Variants in SRGAP2C observed in about 807,000 individuals in gnomAD.
SRGAP2C encodes SLIT-ROBO Rho GTPase-activating protein 2C.
In SRGAP2C, 15 loss-of-function variants were observed where a neutral mutation model predicts 25.1. That is an observed-to-expected ratio of 0.60 (90% confidence interval 0.40 to 0.92). SRGAP2C has a LOEUF of 0.92. Ranked by LOEUF, SRGAP2C falls within the 40% of genes least tolerant of loss-of-function variation. The pLI is 0.00. For synonymous variants in SRGAP2C, 44 were observed against 96.6 expected, an observed-to-expected ratio of 0.46 and a Z score of 3.19; for missense variants, 144 against 264.4, an observed-to-expected ratio of 0.54 and a Z score of 3.16.
At chr1:121,368,387 A>G (rs1373286019) in intron 5 of SRGAP2C, among the ~76,000 whole-genome samples, 1 of 139,108 alleles carries the variant, frequency 7.2e-6, no homozygotes, top group African/African-American at 2.7e-5. Context: ...CCTGGGGGAC[A>G]GAGCAAGACT....
rs1402913945 is a variant in SRGAP2C, at chr1:121,313,798, G to A, written c.261-10680G>A. 2.3e-5 allele frequency among the ~76,000 whole-genome samples: 3 copies of A among 130,550 alleles called. No homozygotes were observed. The South Asian group carries it at 7.7e-4, about 33-fold the overall frequency. 85.6% of individuals were successfully genotyped at this position (130,550 alleles called of 152,430 possible). The stretch of plus-strand genomic sequence containing the variant: ...TAGGGTTTCTGCCGAGAGATCCACT[G>A]TTAGTCTGATGGGCTTCCCTTTGAG... On this transcript the variant is annotated intron_variant, in intron 3 of 9. Coordinates refer to ENST00000367123, the MANE Select transcript of SRGAP2C (RefSeq NM_001329984.2).
chr1:121,346,807 G>A (rs1304361209), intron 4 of SRGAP2C, among the ~76,000 whole-genome samples: 5 of 151,334 alleles, frequency 3.3e-5, no homozygotes, highest in Non-Finnish European at 7.4e-5. Context: ...CATGTCCCAG[G>A]CGGGAGGTCA....
At chr1:121,300,216 C>A (rs1553338702) in intron 3 of SRGAP2C, among the ~76,000 whole-genome samples, 9,350 of 49,078 alleles carry the variant, frequency 0.19, 2,000 homozygotes, top group African/African-American at 0.38. Flanking sequence ...GTAATTTCTA[C>A]AGAAAAAAGG....
rs181074256 is a variant in SRGAP2C at position 121,359,654 on chromosome 1, G to A, written c.424-5639G>A. 3.5e-3 allele frequency among the ~76,000 whole-genome samples: 539 copies of A among 152,316 alleles called. 9 individuals are homozygous for A. In the South Asian group the frequency reaches 0.04, roughly 11 times the overall value. ...GTGTTGGTACACATCTGTCGTCCCA[G>A]CTACATGGGAAGCTGAGGGAAGAGG... On this transcript the variant is annotated intron_variant, in intron 4 of 9. Coordinates refer to ENST00000367123, the MANE Select transcript of SRGAP2C (RefSeq NM_001329984.2).
intron 3 of SRGAP2C, among the ~76,000 whole-genome samples, chr1:121,285,907 C>A (rs2101569415): frequency 6.6e-6 from 1 of 152,224 alleles, no homozygotes; most frequent in South Asian, 2.1e-4. Context: ...GGTGTCCAAT[C>A]TTTTGTTCTC....
chr1:121,188,026 C>G (rs1246709022), intron 2 of SRGAP2C, among the ~76,000 whole-genome samples: 4 of 152,060 alleles, frequency 2.6e-5, no homozygotes, highest in Non-Finnish European at 4.4e-5. Context: ...GCATTGGCAC[C>G]AAAAGTCCAT....
chr1:121,296,037 A>G (rs1192707936), intron 3 of SRGAP2C, among the ~76,000 whole-genome samples: 1 of 148,306 alleles, frequency 6.7e-6, no homozygotes, highest in Non-Finnish European at 1.5e-5. Flanking sequence ...CTGGGATTAC[A>G]GGCATAAGCC....
At chr1:121,378,400 A>C (rs1195440591) in intron 7 of SRGAP2C, among the ~76,000 whole-genome samples, 1 of 141,062 alleles carries the variant, frequency 7.1e-6, no homozygotes, top group Non-Finnish European at 1.5e-5. Context: ...CCCCACCCCA[A>C]GGCAACCACT....
intron 3 of SRGAP2C, among the ~76,000 whole-genome samples, chr1:121,315,274 G>T (rs1284909669): frequency 1.3e-5 from 2 of 152,000 alleles, no homozygotes; most frequent in African/African-American, 4.8e-5. Context: ...CTCCTGAGTA[G>T]CCAGGAGTAC....
At chr1:121,346,635 C>T (rs1461598510) in intron 4 of SRGAP2C, among the ~76,000 whole-genome samples, 1 of 152,190 alleles carries the variant, frequency 6.6e-6, no homozygotes, top group Non-Finnish European at 1.5e-5. Flanking sequence ...GAGCTTTTTG[C>T]TCCAAAATCT....
chr1:121,234,972 C>T (rs1225891862), intron 2 of SRGAP2C, among the ~76,000 whole-genome samples: 3 of 151,232 alleles, frequency 2.0e-5, no homozygotes, highest in Admixed American at 1.3e-4. Context: ...CTTTTCTTTC[C>T]TCCCTCCCTC....
intron 2 of SRGAP2C, among the ~76,000 whole-genome samples, chr1:121,268,507 C>G (rs1157731739): frequency 1.3e-5 from 2 of 149,610 alleles, no homozygotes; most frequent in South Asian, 2.1e-4. Flanking sequence ...AGGGAGGAGG[C>G]AGCAAGACCA....
intron 2 of SRGAP2C, among the ~76,000 whole-genome samples, chr1:121,196,508 G>A (rs587728598): frequency 6.1e-5 from 5 of 82,642 alleles, no homozygotes; most frequent in East Asian, 5.3e-4. Flanking sequence ...ACTTCTGAAC[G>A]TAGGAATGTT....
At chr1:121,212,414 G>A (rs1167261465) in intron 2 of SRGAP2C, among the ~76,000 whole-genome samples, 1 of 152,150 alleles carries the variant, frequency 6.6e-6, no homozygotes, top group African/African-American at 2.4e-5. Context: ...ACAGGGGTGA[G>A]CCACCATACC....
At chr1:121,303,491 A>G (rs1424192276) in intron 3 of SRGAP2C, among the ~76,000 whole-genome samples, 1 of 152,046 alleles carries the variant, frequency 6.6e-6, no homozygotes, top group African/African-American at 2.4e-5. Context: ...CTTAACTTGT[A>G]CTTTCCTTGC....
chr1:121,337,558 G>T (rs1278937179), intron 4 of SRGAP2C, among the ~76,000 whole-genome samples: 1 of 151,792 alleles, frequency 6.6e-6, no homozygotes, highest in Non-Finnish European at 1.5e-5. Flanking sequence ...CTTGAACCTG[G>T]GAGGCAGAGG....
In SRGAP2C at chr1:121,185,049, G is replaced by T. The variant is rs1187824517; in HGVS notation, c.-618G>T. On this transcript the variant is annotated 5_prime_UTR_variant, in exon 1 of 10. Coordinates refer to ENST00000367123, the MANE Select transcript of SRGAP2C (RefSeq NM_001329984.2). ...GGCACCGATCTGCGTAGAAACGGGT[G>T]GCGGGGAAGAGAGGGGAGGAGAGCT... 9.8e-6 allele frequency: 5 copies of T among 507,760 alleles called. No homozygotes were observed. Among genetic ancestry groups the T allele is most frequent in the African/African-American group, 2.2e-5 (1 of 46,316 alleles). The allele number at this position is 507,760 out of a possible 1,614,324, so 31.5% of individuals were successfully genotyped here.
chr1:121,259,595 A>G (rs1431895468), intron 2 of SRGAP2C, among the ~76,000 whole-genome samples: 2 of 151,582 alleles, frequency 1.3e-5, no homozygotes, highest in African/African-American at 4.8e-5. Flanking sequence ...TCATTCACTC[A>G]TCTGTGCAAC....
At chr1:121,236,787 CTCTG>C (rs1482561478) in intron 2 of SRGAP2C, among the ~76,000 whole-genome samples, 2 of 121,668 alleles carry the variant, frequency 1.6e-5, no homozygotes, top group Non-Finnish European at 3.4e-5. Context: ...CTGACTACTT[CTCTG>C]TCTTTTTTTT....
Sources: allele counts gnomAD v4.1 joint callset (sites outside exome capture counted in the v4.1 genomes callset), GRCh38; gene constraint gnomAD v4.1.1; transcripts MANE v1.5; gene names NCBI Gene and HGNC (gene_info 2026-07-23, HGNC 2026-07-21).